LRRC4C: variants seen among roughly 807,000 people sequenced by gnomAD.
The protein encoded by LRRC4C is leucine-rich repeat-containing protein 4C.
Under a neutral mutation model 33.6 loss-of-function variants are expected in LRRC4C, and 5 were observed. That is an observed-to-expected ratio of 0.15 (90% CI 0.08 to 0.31). LRRC4C has a LOEUF of 0.31. Among genes scored for constraint, LRRC4C ranks in the 10% least tolerant of loss-of-function variants. The pLI is 1.00. For missense variants in LRRC4C, 560 were observed against 796.7 expected, an observed-to-expected ratio of 0.70 and a Z score of 3.58; for synonymous variants, 329 against 302.0, an observed-to-expected ratio of 1.09 and a Z score of -0.93.
chr11:41,386,418 G>A (rs1179097910), intron 1 of LRRC4C, among the ~76,000 whole-genome samples: 2 of 151,590 alleles, frequency 1.3e-5, no homozygotes, highest in South Asian at 2.1e-4. Flanking sequence ...GTCAAGAACC[G>A]TAACCATGGT....
At chr11:41,191,372 A>G (rs1479283939) in intron 1 of LRRC4C, among the ~76,000 whole-genome samples, 6 of 152,164 alleles carry the variant, frequency 3.9e-5, no homozygotes, top group African/African-American at 1.4e-4. Context: ...TTGACCAATT[A>G]TAGAAGAATT....
At chr11:40,333,850 C>T (rs1946476139) in intron 3 of LRRC4C, among the ~76,000 whole-genome samples, 2 of 151,422 alleles carry the variant, frequency 1.3e-5, no homozygotes, top group African/African-American at 4.9e-5. Flanking sequence ...GGTCAGATCA[C>T]CGCTAAGCGA....
At chr11:40,259,283 T>C (rs1364771802) in intron 4 of LRRC4C, among the ~76,000 whole-genome samples, 1 of 151,964 alleles carries the variant, frequency 6.6e-6, no homozygotes, top group African/African-American at 2.4e-5. Context: ...GTAAATTTGT[T>C]TGAGTTCATT....
intron 2 of LRRC4C, among the ~76,000 whole-genome samples, chr11:40,859,614 A>G (rs1341275749): frequency 6.6e-6 from 1 of 152,120 alleles, no homozygotes; most frequent in African/African-American, 2.4e-5. Flanking sequence ...CCCAAAAGAA[A>G]TAAAATTCAA....
At chr11:41,142,516 G>A (rs1943552050) in intron 1 of LRRC4C, among the ~76,000 whole-genome samples, 2 of 152,308 alleles carry the variant, frequency 1.3e-5, no homozygotes, top group Non-Finnish European at 2.9e-5. Context: ...TACTAGGGAT[G>A]TGGTGCTCCT....
At position 40,938,610 on chromosome 11, in the gene LRRC4C, T is replaced by C. The variant is rs551264041; in HGVS notation, c.-495-4887A>G. Among the ~76,000 whole-genome samples the C allele has an allele frequency of 1.8e-4, 28 of 152,282 alleles. No individual in the cohort carries two copies. In the South Asian group the frequency reaches 4.6e-3, roughly 25 times the overall value. On this transcript the variant is annotated intron_variant, in intron 1 of 6. Transcript: ENST00000528697. ...CTGCCTCTTCTTAAATAGATAAACA[T>C]GACATTTCCAAAAATATGACCTAGG...
chr11:40,192,151 G>T (rs1184382707), intron 5 of LRRC4C, among the ~76,000 whole-genome samples: 1 of 152,028 alleles, frequency 6.6e-6, no homozygotes, highest in Non-Finnish European at 1.5e-5. Flanking sequence ...TAATAAAATA[G>T]TCATAAGATT....
chr11:40,912,679 C>A (rs533811605), intron 2 of LRRC4C, among the ~76,000 whole-genome samples: 2 of 152,226 alleles, frequency 1.3e-5, no homozygotes, highest in South Asian at 4.2e-4. Flanking sequence ...ATGACAGGAT[C>A]AAATTCACAC....
At chr11:40,857,608 G>A (rs1953853571) in intron 2 of LRRC4C, among the ~76,000 whole-genome samples, 1 of 152,190 alleles carries the variant, frequency 6.6e-6, no homozygotes, top group Non-Finnish European at 1.5e-5. Context: ...ATAAGCTCAT[G>A]AGAATAAATA....
At chr11:41,066,218 C>T (rs1217477672) in intron 1 of LRRC4C, among the ~76,000 whole-genome samples, 2 of 152,078 alleles carry the variant, frequency 1.3e-5, no homozygotes, top group African/African-American at 2.4e-5. Context: ...TAGAGAGGAA[C>T]ATAAATGACC....
At chr11:40,780,143 A>G (rs758237853) in intron 2 of LRRC4C, among the ~76,000 whole-genome samples, 64 of 152,188 alleles carry the variant, frequency 4.2e-4, no homozygotes, top group Admixed American at 1.1e-3. Flanking sequence ...CACATCCATC[A>G]TATTAAAAAG....
At chr11:41,045,016 G>A (rs1244759873) in intron 1 of LRRC4C, among the ~76,000 whole-genome samples, 2 of 151,976 alleles carry the variant, frequency 1.3e-5, no homozygotes, top group East Asian at 3.9e-4. Flanking sequence ...TTGAGCTCTT[G>A]TTGAATGCTT....
chr11:40,445,847 T>C (rs1257750405), intron 3 of LRRC4C: 1 of 152,276 alleles, frequency 6.6e-6, no homozygotes, highest in Non-Finnish European at 1.5e-5. Context: ...GTTTTTCCCC[T>C]GTGAGTTATC....
intron 3 of LRRC4C, among the ~76,000 whole-genome samples, chr11:40,381,247 T>G (rs917579446): frequency 6.8e-6 from 1 of 147,098 alleles, no homozygotes; most frequent in African/African-American, 2.5e-5. Context: ...AAAAAAAGCC[T>G]AGGTAATAAG....
At chr11:41,160,602 T>A (rs750052258) in intron 1 of LRRC4C, among the ~76,000 whole-genome samples, 1 of 152,302 alleles carries the variant, frequency 6.6e-6, no homozygotes, top group Admixed American at 6.5e-5. Flanking sequence ...CTTGGAAATA[T>A]ATGAATTGGC....
chr11:40,720,164 G>A (rs879417908), intron 2 of LRRC4C, among the ~76,000 whole-genome samples: 2 of 152,008 alleles, frequency 1.3e-5, no homozygotes, highest in African/African-American at 2.4e-5. Context: ...CTCATTAGTT[G>A]TAGCACTGTC....
At chr11:40,851,317 G>A (rs1953480709) in intron 2 of LRRC4C, among the ~76,000 whole-genome samples, 1 of 152,156 alleles carries the variant, frequency 6.6e-6, no homozygotes, top group South Asian at 2.1e-4. Context: ...CCATGGGAAA[G>A]GCGTAGCATC....
chr11:41,338,531 TG>T (rs1458183517), intron 1 of LRRC4C, among the ~76,000 whole-genome samples: 1 of 151,736 alleles, frequency 6.6e-6, no homozygotes, highest in Non-Finnish European at 1.5e-5. Flanking sequence ...TAACACACAC[TG>T]GGGCCTGTCG....
In LRRC4C at chr11:40,794,373, CAAAA is replaced by C. The variant is rs57476895; in HGVS notation, c.-407+139258_-407+139261del. On this transcript the variant is annotated intron_variant, in intron 2 of 6. Coordinates refer to ENST00000528697, the MANE Select transcript of LRRC4C (RefSeq NM_001258419.2). ...ACAAAGCCACTCTCATAAACGCCAG[CAAAA>C]AAAAAAAAAAAAAAAAAAAAAAATG... Among the ~76,000 whole-genome samples the C allele has an allele frequency of 9.0e-3, 696 of 77,094 alleles. 3 individuals carry two copies. Among genetic ancestry groups the C allele is most frequent in the African/African-American group, 0.023 (644 of 27,680 alleles). The allele number at this position is 77,094 out of a possible 152,430, so 50.6% of individuals were successfully genotyped here.
Sources: allele counts gnomAD v4.1 joint callset (sites outside exome capture counted in the v4.1 genomes callset), GRCh38; gene constraint gnomAD v4.1.1; transcripts MANE v1.5; gene names NCBI Gene and HGNC (gene_info 2026-07-23, HGNC 2026-07-21).